KCNIP4: variants seen among roughly 807,000 people sequenced by gnomAD.
The protein encoded by KCNIP4 is Kv channel-interacting protein 4.
Under a neutral mutation model 34.0 loss-of-function variants are expected in KCNIP4, and 12 were observed. The ratio of observed to expected loss-of-function variants is 0.35; its 90% CI spans 0.23 to 0.57. The LOEUF (loss-of-function observed/expected upper bound fraction) is 0.57. Among genes scored for constraint, KCNIP4 ranks in the 20% least tolerant of loss-of-function variants. KCNIP4 has a pLI of 0.83. For synonymous variants in KCNIP4, 124 were observed against 102.2 expected (o/e 1.21, Z -1.29); for missense variants, 238 against 311.7 (o/e 0.76, Z 1.78).
intron 1 of KCNIP4, among the ~76,000 whole-genome samples, chr4:21,175,453 G>A (rs564297933): frequency 1.1e-4 from 17 of 152,022 alleles, no homozygotes; most frequent in South Asian, 2.1e-4. Flanking sequence ...TCACAATTTC[G>A]TGGATAGAAG....
intron 1 of KCNIP4, among the ~76,000 whole-genome samples, chr4:21,286,276 TCTGGATAC>T (rs1763116600): frequency 6.6e-6 from 1 of 152,226 alleles, no homozygotes; most frequent in Admixed American, 6.5e-5. Context: ...AAAATGCTAG[TCTGGATAC>T]CTGCCTATGA....
At chr4:21,251,917 C>A (rs1186319097) in intron 1 of KCNIP4, among the ~76,000 whole-genome samples, 1 of 150,964 alleles carries the variant, frequency 6.6e-6, no homozygotes, top group Non-Finnish European at 1.5e-5. Context: ...TGCTAAATGA[C>A]GAGTTAATGG....
At chr4:21,751,399 TTATGTA>T (rs1332149331) in intron 1 of KCNIP4, among the ~76,000 whole-genome samples, 1 of 152,148 alleles carries the variant, frequency 6.6e-6, no homozygotes, top group East Asian at 1.9e-4. Context: ...GACATGGTGT[TTATGTA>T]TATACACATT....
intron 1 of KCNIP4, among the ~76,000 whole-genome samples, chr4:21,079,020 C>G (rs1745769838): frequency 6.6e-6 from 1 of 152,054 alleles, no homozygotes; most frequent in African/African-American, 2.4e-5. Flanking sequence ...CAATCCAGGT[C>G]AGATTGTGGT....
intron 1 of KCNIP4, among the ~76,000 whole-genome samples, chr4:21,201,100 T>C (rs541236299): frequency 8.5e-5 from 13 of 152,334 alleles, no homozygotes; most frequent in Middle Eastern, 3.4e-3. Context: ...TATAAGCTTT[T>C]CTTATGTAAC....
chr4:21,361,067 T>A (rs1719172748), intron 1 of KCNIP4, among the ~76,000 whole-genome samples: 1 of 152,116 alleles, frequency 6.6e-6, no homozygotes, highest in Non-Finnish European at 1.5e-5. Context: ...TTAATTTAAA[T>A]GCTTTAAGCA....
At chr4:20,739,838 A>C (rs71607032) in intron 5 of KCNIP4, among the ~76,000 whole-genome samples, 30,260 of 152,080 alleles carry the variant, frequency 0.2, 3,342 homozygotes, top group East Asian at 0.42. Context: ...AGAAGCTAAA[A>C]ACCTTGAGAA....
chr4:21,773,400 T>G (rs978077356), intron 1 of KCNIP4, among the ~76,000 whole-genome samples: 1 of 152,250 alleles, frequency 6.6e-6, no homozygotes, highest in Non-Finnish European at 1.5e-5. Flanking sequence ...CTGTTGATTT[T>G]GGGTAGATAA....
At chr4:21,434,685 G>A (rs889818464) in intron 1 of KCNIP4, among the ~76,000 whole-genome samples, 1 of 151,294 alleles carries the variant, frequency 6.6e-6, no homozygotes, top group Non-Finnish European at 1.5e-5. Context: ...TATGTTGCAC[G>A]ATCCTGAGGA....
chr4:21,766,755 T>A (rs77465737), intron 1 of KCNIP4, among the ~76,000 whole-genome samples: 14 of 152,128 alleles, frequency 9.2e-5, no homozygotes, highest in Non-Finnish European at 1.8e-4. Context: ...CTCTTAACAA[T>A]AAACTTATTT....
intron 3 of KCNIP4, among the ~76,000 whole-genome samples, chr4:20,781,514 C>T (rs1756867034): frequency 6.6e-6 from 1 of 152,162 alleles, no homozygotes; most frequent in South Asian, 2.1e-4. Context: ...GGGGAGGCCT[C>T]AGAATCATGG....
At chr4:21,696,245 T>C (rs184715434) in intron 1 of KCNIP4, among the ~76,000 whole-genome samples, 18 of 152,276 alleles carry the variant, frequency 1.2e-4, no homozygotes, top group Admixed American at 4.6e-4. Flanking sequence ...CATAATTGTA[T>C]ATGCAGTTTA....
intron 1 of KCNIP4, among the ~76,000 whole-genome samples, chr4:21,518,857 A>G (rs1357004544): frequency 6.6e-6 from 1 of 152,078 alleles, no homozygotes; most frequent in Non-Finnish European, 1.5e-5. Flanking sequence ...AACAGGAGAG[A>G]GTTTGAGCCC....
chr4:21,393,775 T>A (rs756567105), intron 1 of KCNIP4, among the ~76,000 whole-genome samples: 4 of 152,176 alleles, frequency 2.6e-5, no homozygotes, highest in Non-Finnish European at 4.4e-5. Flanking sequence ...ATTATCCAGT[T>A]CTCCACTGCC....
intron 1 of KCNIP4, chr4:21,582,120 G>A (rs568504572): frequency 7.3e-6 from 1 of 136,652 alleles, no homozygotes; most frequent in Admixed American, 7.2e-5. Context: ...ATGACACATA[G>A]CAAAGGTAAA....
intron 1 of KCNIP4, among the ~76,000 whole-genome samples, chr4:21,281,709 T>C (rs1222128426): frequency 6.6e-6 from 1 of 152,226 alleles, no homozygotes; most frequent in Non-Finnish European, 1.5e-5. Context: ...GGGTTTATTT[T>C]ATTGCATTCC....
chr4:21,201,490 G>C (rs1031662249), intron 1 of KCNIP4, among the ~76,000 whole-genome samples: 2 of 152,052 alleles, frequency 1.3e-5, no homozygotes, highest in African/African-American at 2.4e-5. Flanking sequence ...ATCATCTACT[G>C]CCCATTTATT....
intron 1 of KCNIP4, among the ~76,000 whole-genome samples, chr4:21,312,567 C>T (rs1179812879): frequency 1.3e-5 from 2 of 152,262 alleles, no homozygotes; most frequent in African/African-American, 4.8e-5. Flanking sequence ...TAAGAATAGA[C>T]GGGGGTTCCT....
intron 1 of KCNIP4, among the ~76,000 whole-genome samples, chr4:21,084,193 G>A (rs1053062448): frequency 4.0e-5 from 6 of 150,564 alleles, no homozygotes; most frequent in African/African-American, 1.0e-4. Flanking sequence ...GCTCTCACAT[G>A]TATTTTAGGT....
Sources: gnomAD v4.1 joint callset for allele counts (sites outside exome capture counted in the v4.1 genomes callset) on GRCh38, gnomAD v4.1.1 for gene constraint, MANE v1.5 for transcripts, NCBI Gene and HGNC (gene_info 2026-07-23, HGNC 2026-07-21) for gene names.